The following SYN1 variants were observed in gnomAD, a reference collection of about 807,000 sequenced individuals.
SYN1 encodes the protein synapsin-1.
A neutral mutation model predicts 44.6 loss-of-function variants in SYN1; 8 were observed. The observed-to-expected ratio is 0.18, with a 90% CI of 0.11 to 0.32. The LOEUF (loss-of-function observed/expected upper bound fraction) is 0.32, where lower values mean the gene tolerates loss of function less well. SYN1 is among the 10% of genes least tolerant of loss of function. SYN1 has a pLI of 1.00. For missense variants in SYN1, 451 were observed against 639.4 expected (o/e 0.71, Z 3.18); for synonymous variants, 275 against 280.1 (o/e 0.98, Z 0.18).
At chrX:47,588,738 C>T (rs911716755) in intron 5 of SYN1, among the ~76,000 whole-genome samples, 4 of 111,772 alleles carry the variant, frequency 3.6e-5, no homozygotes, top group Non-Finnish European at 7.5e-5. Context: ...CCCCAGCATT[C>T]GGGGTGTCTG....
intron 5 of SYN1, among the ~76,000 whole-genome samples, chrX:47,588,763 G>T (rs1232151594): frequency 8.9e-6 from 1 of 111,877 alleles, no homozygotes; most frequent in Non-Finnish European, 1.9e-5. Context: ...TGAATCTCTG[G>T]GAGAGACTCT....
At chrX:47,594,982 C>T (rs1171113518) in intron 5 of SYN1, among the ~76,000 whole-genome samples, 1 of 111,339 alleles carries the variant, frequency 9.0e-6, no homozygotes, top group Non-Finnish European at 1.9e-5. Flanking sequence ...CTGCCTCAGC[C>T]TCCCAAAGTG....
chrX:47,607,393 T>C (rs1418327849), intron 1 of SYN1, among the ~76,000 whole-genome samples, 195 bp from the exon 2 acceptor site: 4 of 111,800 alleles, frequency 3.6e-5, no homozygotes, highest in Non-Finnish European at 7.5e-5. Flanking sequence ...GTTGCAAAAA[T>C]ATTAAAGGAC....
chrX:47,608,259 GAA>G (rs761906023), intron 1 of SYN1, among the ~76,000 whole-genome samples: 9,181 of 23,421 alleles, frequency 0.39, 647 homozygotes, highest in Middle Eastern at 0.5. Context: ...AGGAAGGAAG[GAA>G]GGAAGGAAGG....
chrX:47,572,699 G>A lies in SYN1; in HGVS notation c.*165C>T. On this transcript the variant is annotated 3_prime_UTR_variant, in exon 13 of 13. Coordinates refer to ENST00000295987, the MANE Select transcript of SYN1 (RefSeq NM_006950.3). The stretch of plus-strand genomic sequence containing the variant: ...TGAGAACCGGATTTAGGGCCAGGAG[G>A]AGTCAGGTTTCTCAAGGTACTCGGG... 1.4e-6 allele frequency: 1 copy of A among 699,236 alleles called. No homozygotes were observed. The highest frequency in any genetic ancestry group is 2.1e-6 in the Non-Finnish European group (1 of 470,928). 57.6% of individuals were successfully genotyped at this position (699,236 alleles called of 1,213,427 possible).
intron 5 of SYN1, among the ~76,000 whole-genome samples, chrX:47,604,003 G>A (rs1371499155): frequency 5.6e-5 from 6 of 106,467 alleles, no homozygotes; most frequent in Admixed American, 3.1e-4. Context: ...CGCCTCCCGG[G>A]TTCCAGCGAT....
chrX:47,607,735 A>AAC (rs1234321195), intron 1 of SYN1, among the ~76,000 whole-genome samples: 58 of 107,682 alleles, frequency 5.4e-4, no homozygotes, highest in Non-Finnish European at 9.0e-4. Flanking sequence ...TTGAAAAAAA[A>AAC]AAAAAAAAAA....
intron 5 of SYN1, among the ~76,000 whole-genome samples, chrX:47,591,341 T>A (rs2057847146): frequency 8.9e-6 from 1 of 112,276 alleles, no homozygotes; most frequent in Non-Finnish European, 1.9e-5. Context: ...AAAGTTGCTG[T>A]TAAGGTAGTA....
intron 1 of SYN1, among the ~76,000 whole-genome samples, chrX:47,612,717 T>C (rs2057919789): frequency 9.0e-6 from 1 of 111,621 alleles, no homozygotes; most frequent in Admixed American, 9.5e-5. Flanking sequence ...ATATATCCAC[T>C]TATGGGCAGT....
At chrX:47,606,751 A>ATTTTT (rs4066713) in intron 3 of SYN1, among the ~76,000 whole-genome samples, 194 bp downstream of exon 3, 91 of 93,238 alleles carry the variant, frequency 9.8e-4, no homozygotes, top group African/African-American at 3.5e-3. Context: ...ATATATATAT[A>ATTTTT]TTTTTTTTTA....
intron 5 of SYN1, chrX:47,586,915 T>C: frequency 2.3e-6 from 1 of 428,826 alleles, no homozygotes; most frequent in Non-Finnish European, 4.0e-6. Context: ...TAAATTCTGA[T>C]GTACTGGTAG....
chrX:47,576,033 T>A (rs1428097739), intron 9 of SYN1, 98 bp downstream of exon 9: 1 of 885,470 alleles, frequency 1.1e-6, no homozygotes, highest in African/African-American at 2.0e-5. Context: ...ACATTGCTGT[T>A]GGCTGAGGAC....
intron 12 of SYN1, 51 bp downstream of exon 12, chrX:47,573,951 C>A (rs754459006): frequency 1.9e-6 from 2 of 1,065,001 alleles, no homozygotes. Flanking sequence ...ACTGGGGCAG[C>A]GGCCCGCTTT....
At chrX:47,610,011 G>T (rs181359091) in intron 1 of SYN1, among the ~76,000 whole-genome samples, 36 of 111,671 alleles carry the variant, frequency 3.2e-4, no homozygotes, top group African/African-American at 1.1e-3. Context: ...AGACTTGGGT[G>T]ACTATTCCCT....
intron 5 of SYN1, among the ~76,000 whole-genome samples, chrX:47,601,573 A>G (rs2057879725): frequency 9.0e-6 from 1 of 111,567 alleles, no homozygotes; most frequent in South Asian, 3.7e-4. Context: ...CCTGAGCAAC[A>G]CAGCAAGACC....
Position 47,619,534 on chromosome X carries a change from G to T in SYN1, c.195C>A (p.Ala65=). Residue 65 remains alanine, a synonymous_variant, in exon 1 of 13, where the codon GCC becomes GCA. Transcript: ENST00000295987. Reference sequence around the variant, plus strand: ...CGCCCCCCGAGGACCCGGGGCTAGGGGCGGCCGGAGAGGCCGCTGGGGCGA... The same window carrying T: ...CGCCCCCCGAGGACCCGGGGCTAGGTGCGGCCGGAGAGGCCGCTGGGGCGA... ...SGVAPAASPA[A]PSPGSSGGGG... 1 of 1,192,948 alleles carries T rather than the reference G, an allele frequency of 8.4e-7. No individual in the cohort carries two copies. The highest frequency in any genetic ancestry group is 1.1e-6 in the Non-Finnish European group (1 of 888,310).
At chrX:47,598,668 T>C (rs1334922551) in intron 5 of SYN1, among the ~76,000 whole-genome samples, 1 of 110,811 alleles carries the variant, frequency 9.0e-6, no homozygotes, top group African/African-American at 3.3e-5. Flanking sequence ...TCAATTAAAA[T>C]ACAAAAAAAT....
chrX:47,600,485 T>C (rs2057876613), intron 5 of SYN1, among the ~76,000 whole-genome samples: 1 of 111,819 alleles, frequency 8.9e-6, no homozygotes, highest in African/African-American at 3.3e-5. Flanking sequence ...AGGTGTGAGC[T>C]ACTGTGCATG....
intron 5 of SYN1, among the ~76,000 whole-genome samples, chrX:47,601,266 A>C (rs2057878868): frequency 8.9e-6 from 1 of 111,966 alleles, no homozygotes; most frequent in Non-Finnish European, 1.9e-5. Context: ...ATTATGTGCC[A>C]GTAAGTTAGA....
Sources: allele counts gnomAD v4.1 joint callset (sites outside exome capture counted in the v4.1 genomes callset), GRCh38; gene constraint gnomAD v4.1.1; transcripts MANE v1.5; gene names NCBI Gene and HGNC (gene_info 2026-07-23, HGNC 2026-07-21).